The following EVC2 variants were observed in gnomAD, a reference collection of about 807,000 sequenced individuals.
EVC2 encodes limbin.
In EVC2, 148 loss-of-function variants were observed where a neutral mutation model predicts 149.3. That is an observed-to-expected ratio of 0.99 (90% CI 0.87 to 1.14). The LOEUF is 1.14. Ranked by LOEUF, EVC2 falls within the 50% of genes most tolerant of loss-of-function variation. EVC2 has a pLI of 0.00. For missense variants in EVC2, 1,854 were observed against 1,627.3 expected, an observed-to-expected ratio of 1.14 and a Z score of -2.40; for synonymous variants, 776 against 649.9, an observed-to-expected ratio of 1.19 and a Z score of -2.95.
chr4:5,638,266 G>A (rs1717029026), intron 10 of EVC2, among the ~76,000 whole-genome samples: 1 of 152,060 alleles, frequency 6.6e-6, no homozygotes, highest in African/African-American at 2.4e-5. Context: ...GCAAGCGCCT[G>A]TAATCCCAGC....
At chr4:5,571,881 G>C (rs1722664241) in intron 19 of EVC2, among the ~76,000 whole-genome samples, 1 of 152,186 alleles carries the variant, frequency 6.6e-6, no homozygotes, top group Non-Finnish European at 1.5e-5. Flanking sequence ...TCAGCCATCA[G>C]CTGAAGGCCT....
At chr4:5,693,712 C>G (rs1046066217) in intron 3 of EVC2, among the ~76,000 whole-genome samples, 62 of 152,352 alleles carry the variant, frequency 4.1e-4, no homozygotes, top group African/African-American at 1.4e-3. Flanking sequence ...AAAAAGGGCT[C>G]TTGGCCATCG....
At position 5,706,437 on chromosome 4, in the gene EVC2, G is replaced by GATACATACATAC. The variant is rs1371530984; in HGVS notation, c.228+1848_228+1849insGTATGTATGTAT. 1.0e-3 allele frequency among the ~76,000 whole-genome samples: 41 copies of GATACATACATAC among 41,070 alleles called. 2 individuals carry two copies. Among genetic ancestry groups the GATACATACATAC allele is most frequent in the South Asian group, 5.6e-3 (4 of 720 alleles). The allele number at this position is 41,070 out of a possible 152,430, so 26.9% of individuals were successfully genotyped here. ...ACATAGATAGATAGATACATAGATA[G>GATACATACATAC]ATAGATAGATACATACATACATACA... is the stretch of plus-strand genomic sequence containing the variant. On this transcript the variant is annotated intron_variant, in intron 1 of 21. Transcript: ENST00000344408.
intron 16 of EVC2, among the ~76,000 whole-genome samples, chr4:5,603,618 A>G (rs1353381120): frequency 6.6e-6 from 1 of 152,214 alleles, no homozygotes; most frequent in Non-Finnish European, 1.5e-5. Context: ...AATAGGATGC[A>G]CCGTCGCTGG....
intron 9 of EVC2, among the ~76,000 whole-genome samples, chr4:5,652,527 G>C (rs893381589): frequency 1.3e-5 from 2 of 152,156 alleles, no homozygotes; most frequent in African/African-American, 4.8e-5. Flanking sequence ...CCAGAAGGCC[G>C]AGACGAAGGT....
chr4:5,555,760 T>C lies in EVC2; in HGVS notation c.3419+9498A>G, dbSNP rs546497567. On this transcript the variant is annotated intron_variant and NMD_transcript_variant, in intron 21 of 22. Transcript: ENST00000475313. ...AGCAGGCAAGAAATCAGTAAGAACA[T>C]AGTTGGCCTGAATAGCACTCTCAAT... 1.1e-4 allele frequency among the ~76,000 whole-genome samples: 17 copies of C among 152,282 alleles called. No individual in the cohort carries two copies. The South Asian group carries it at 1.4e-3, about 13-fold the overall frequency.
intron 16 of EVC2, among the ~76,000 whole-genome samples, chr4:5,612,620 G>A (rs544378031): frequency 2.9e-4 from 44 of 152,134 alleles, no homozygotes; most frequent in Admixed American, 2.6e-3. Context: ...CAGAGGAGAT[G>A]GATTAGAAAT....
intron 9 of EVC2, among the ~76,000 whole-genome samples, chr4:5,658,855 G>A (rs1405292552): frequency 6.6e-6 from 1 of 152,332 alleles, no homozygotes; most frequent in East Asian, 1.9e-4. Flanking sequence ...CAGGCCCAGA[G>A]TAAGGCTGGA....
In EVC2 at chr4:5,614,878, G is replaced by A. The variant is rs1227368223; in HGVS notation, c.2829+544C>T. Among the ~76,000 whole-genome samples the A allele has an allele frequency of 1.3e-5, 2 of 152,098 alleles. No individual in the cohort carries two copies. Among genetic ancestry groups the A allele is most frequent in the Admixed American group, 6.5e-5 (1 of 15,272 alleles). On this transcript the variant is annotated intron_variant, in intron 16 of 21. Transcript: ENST00000344408. The surrounding 1 kb of genome is among the most constrained non-coding windows in gnomAD (Gnocchi z 4.7). Reference sequence around the variant, plus strand: ...TGTAATCCCAGCTACTCGGAAGGGTGAGGCAGAAGAATCACTTGAACCCAG... The same window carrying A: ...TGTAATCCCAGCTACTCGGAAGGGTAAGGCAGAAGAATCACTTGAACCCAG...
intron 1 of EVC2, among the ~76,000 whole-genome samples, chr4:5,702,684 T>C (rs1721900090): frequency 6.6e-6 from 1 of 152,250 alleles, no homozygotes; most frequent in South Asian, 2.1e-4. Context: ...GAAATGGTTG[T>C]AATTGCCTCT....
intron 7 of EVC2, among the ~76,000 whole-genome samples, chr4:5,678,177 T>C (rs1357636199): frequency 2.0e-5 from 3 of 152,218 alleles, no homozygotes; most frequent in Non-Finnish European, 4.4e-5. Context: ...TTTCAAACTG[T>C]CTGTACAAAC....
rs116251684 is a variant in EVC2, at chr4:5,650,140, G to A, written c.1146-9302C>T. 8.3e-3 allele frequency among the ~76,000 whole-genome samples: 1,261 copies of A among 152,164 alleles called. 10 individuals carry two copies. Among genetic ancestry groups the A allele is most frequent in the Middle Eastern group, 0.031 (9 of 294 alleles). ...ATTGGGCCTTCCCTCTCCAGGCCTC[G>A]AGCTACTCCTTAAAGGGGGCAAAGA... On this transcript the variant is annotated intron_variant, in intron 9 of 21. Transcript: ENST00000344408.
At position 5,625,849 on chromosome 4, in the gene EVC2, A is replaced by T; in HGVS notation, c.1946T>A (p.Val649Asp). 2.5e-6 allele frequency: 4 copies of T among 1,613,988 alleles called. No homozygotes were observed. Among genetic ancestry groups the T allele is most frequent in the Non-Finnish European group, 3.4e-6 (4 of 1,180,024 alleles). The change falls in exon 13 of 22, where the codon GTC (valine) becomes GAC (aspartate). Residue 649 changes from valine (V) to aspartate (D), a missense_variant. Transcript: ENST00000344408. The surrounding 1 kb of genome is among the most constrained non-coding windows in gnomAD (Gnocchi z 4.0). ...EMLLERAQTE[V>D]FSIKQKLDND... ...GTCCAACTTCTGCTTGATTGAAAAG[A>T]CTTCTGTCTGAGCCCGCTCCAATAG...
At chr4:5,673,484 G>A (rs968572585) in intron 7 of EVC2, among the ~76,000 whole-genome samples, 1 of 152,182 alleles carries the variant, frequency 6.6e-6, no homozygotes, top group Non-Finnish European at 1.5e-5. Context: ...GAGAATCACT[G>A]TAAGTACAGA....
chr4:5,538,675 A>T (rs969281256), downstream of EVC2, among the ~76,000 whole-genome samples: 10 of 152,208 alleles, frequency 6.6e-5, no homozygotes, highest in Admixed American at 2.0e-4. Context: ...AATATTTTTT[A>T]AAAAATCAAT....
intron 16 of EVC2, among the ~76,000 whole-genome samples, chr4:5,609,864 A>C (rs1267568341): frequency 8.5e-5 from 13 of 152,228 alleles, no homozygotes; most frequent in Non-Finnish European, 1.8e-4. Context: ...GGCTACATAA[A>C]GGAACCTGGG....
chr4:5,709,161 G>A (rs1722411221), upstream of EVC2: 1 of 152,648 alleles, frequency 6.6e-6, no homozygotes, highest in South Asian at 2.1e-4. Context: ...CACCTCTCTG[G>A]GGACCTAGAA....
intron 9 of EVC2, among the ~76,000 whole-genome samples, chr4:5,645,492 A>C (rs1717647113): frequency 6.6e-6 from 1 of 152,106 alleles, no homozygotes; most frequent in Non-Finnish European, 1.5e-5. Context: ...GCTCCCACTT[A>C]TAAGTGAGAA....
chr4:5,666,111 C>A lies in EVC2; in HGVS notation c.871-462G>T, dbSNP rs144348084. Among the ~76,000 whole-genome samples, 961 of 152,120 alleles carry A rather than the reference C, an allele frequency of 6.3e-3. 3 individuals are homozygous for A. The highest frequency in any genetic ancestry group is 0.01 in the Non-Finnish European group (693 of 67,974). On this transcript the variant is annotated intron_variant, in intron 7 of 21. Transcript: ENST00000344408. ...TTAAATAATTAAACCCCAATTTTTACGGTATTATATTTAGAGAAAATCTCT... is the reference window on the plus strand; with the variant it reads ...TTAAATAATTAAACCCCAATTTTTAAGGTATTATATTTAGAGAAAATCTCT...
Sources: gnomAD v4.1 joint callset for allele counts (sites outside exome capture counted in the v4.1 genomes callset) on GRCh38, gnomAD v4.1.1 for gene constraint, Gnocchi (gnomAD v3.1) non-coding constraint, MANE v1.5 for transcripts, NCBI Gene and HGNC (gene_info 2026-07-23, HGNC 2026-07-21) for gene names.